ATG2B: variants seen among roughly 807,000 people sequenced by gnomAD.
ATG2B encodes autophagy related 2B.
ATG2B carries 121 observed loss-of-function variants against 241.3 expected under a neutral mutation model. The observed-to-expected ratio is 0.50, with a 90% confidence interval of 0.43 to 0.58. The LOEUF (loss-of-function observed/expected upper bound fraction) is 0.58, where lower values mean the gene tolerates loss of function less well. Ranked by LOEUF, ATG2B falls within the 20% of genes least tolerant of loss-of-function variation. ATG2B has a pLI of 0.00. For missense variants in ATG2B, 2,306 were observed against 2,491.6 expected, an observed-to-expected ratio of 0.93 and a Z score of 1.59; for synonymous variants, 858 against 876.6, an observed-to-expected ratio of 0.98 and a Z score of 0.37.
chr14:96,329,292 A>G (rs979369432), intron 12 of ATG2B, among the ~76,000 whole-genome samples, 192 bp downstream of exon 12: 1 of 152,204 alleles, frequency 6.6e-6, no homozygotes, highest in Admixed American at 6.5e-5. Context: ...TTAAAATTCT[A>G]ACAGATCCTT....
Position 96,304,587 on chromosome 14 carries a change from G to A in ATG2B, c.4750C>T (p.Pro1584Ser), listed in dbSNP as rs949397559. ...AKSYISPHSS[P>S]SHTPTRHGRN... ...CCATGTCTCGTGGGTGTGTGAGAAG[G>A]CGAACTGTGGGGACTACTAAAAATG... The change falls in exon 32 of 42, where the codon CCT becomes TCT. Residue 1584 changes from proline (P) to serine (S), a missense_variant. Coordinates refer to ENST00000359933, the MANE Select transcript of ATG2B (RefSeq NM_018036.7). 2.5e-6 allele frequency: 4 copies of A among 1,604,372 alleles called. No individual in the cohort carries two copies. The highest frequency in any genetic ancestry group is 3.4e-6 in the Non-Finnish European group (4 of 1,175,098).
Position 96,285,902 on chromosome 14 carries a change from C to T in ATG2B, c.6090G>A (p.Glu2030=). The change falls in exon 42 of 42, where the codon GAG becomes GAA. Residue 2030 remains glutamate (E), a synonymous_variant. Coordinates refer to ENST00000359933, the MANE Select transcript of ATG2B (RefSeq NM_018036.7). The surrounding 1 kb of genome is among the most constrained non-coding windows in gnomAD (Gnocchi z 4.2). ...ESRGVTGAVG[E]VLRQIPPAVV... ...CTGCCGGAGGAATCTGGCGCAGAACCTCGCCCACGGCACCAGTCACCCCTC... is the reference window on the plus strand; with the variant it reads ...CTGCCGGAGGAATCTGGCGCAGAACTTCGCCCACGGCACCAGTCACCCCTC... 1.9e-6 allele frequency: 3 copies of T among 1,614,094 alleles called. No homozygotes were observed. The highest frequency in any genetic ancestry group is 2.7e-5 in the African/African-American group (2 of 75,032).
chr14:96,334,320 C>A, intron 7 of ATG2B, 85 bp downstream of exon 7: 3 of 784,344 alleles, frequency 3.8e-6, no homozygotes, highest in Non-Finnish European at 6.1e-6. Flanking sequence ...AATAGACTTT[C>A]CTACATGTAC....
rs150166455 is a variant in ATG2B at position 96,296,747 on chromosome 14, C to A, written c.5140-1187G>T. Among the ~76,000 whole-genome samples the A allele has an allele frequency of 1.1e-3, 168 of 146,306 alleles. 2 individuals carry two copies. The East Asian group carries it at 0.03, about 26-fold the overall frequency. On this transcript the variant is annotated intron_variant, in intron 34 of 41. Transcript: ENST00000359933. ...TTGCACTCCAGCCCAGGCGACAGTG[C>A]GAGACACTGTCTCAAAAAAAAAAAA...
intron 29 of ATG2B, 80 bp from the exon 30 acceptor site, chr14:96,306,996 T>A: frequency 8.3e-7 from 1 of 1,202,374 alleles, no homozygotes; most frequent in East Asian, 2.4e-5. Flanking sequence ...GTCAGATATA[T>A]GTTGTGTGCT....
intron 34 of ATG2B, among the ~76,000 whole-genome samples, chr14:96,298,529 TCAGTGTGAA>T (rs1381598158): frequency 8.5e-5 from 13 of 152,180 alleles, no homozygotes; most frequent in Non-Finnish European, 1.3e-4. Flanking sequence ...TGGAACAACC[TCAGTGTGAA>T]CCAGCAGGTA....
intron 16 of ATG2B, among the ~76,000 whole-genome samples, chr14:96,322,948 T>C (rs571006485): frequency 1.3e-5 from 2 of 152,182 alleles, no homozygotes; most frequent in Non-Finnish European, 2.9e-5. Flanking sequence ...CAGAAAGACA[T>C]AAACATTTTA....
chr14:96,317,642 C>T (rs1193841362), intron 19 of ATG2B, 56 bp downstream of exon 19: 6 of 1,400,130 alleles, frequency 4.3e-6, no homozygotes, highest in Non-Finnish European at 5.9e-6. Context: ...AAGGTTAGTA[C>T]TTTGTTAATT....
In ATG2B at chr14:96,328,654, T is replaced by TA; in HGVS notation, c.1974+19dup. The TA allele has an allele frequency of 6.3e-7, 1 of 1,581,848 alleles. No homozygotes were observed. Among genetic ancestry groups the TA allele is most frequent in the Non-Finnish European group, 8.6e-7 (1 of 1,163,824 alleles). ...CAGATTAAAATTTACAGGTGGCAAT[T>TA]ATAGAAAAAGATCTCTTACCTGGGG... On this transcript the variant is annotated intron_variant, in intron 13 of 41. Transcript: ENST00000359933.
Position 96,311,216 on chromosome 14 carries a change from A to C in ATG2B, c.4062T>G (p.Ala1354=). Residue 1354 remains alanine, a synonymous_variant, in exon 28 of 42, where the codon GCT becomes GCG. Coordinates refer to ENST00000359933, the MANE Select transcript of ATG2B (RefSeq NM_018036.7). The part of the protein sequence containing the change: ...VHIRTCSDSC[A]ALMNLIQYIA... ...TGTACTGAATGAGATTCATTAACGCAGCACAAGAGTCTGAGCACGTTCTGA... is the reference window on the plus strand; with the variant it reads ...TGTACTGAATGAGATTCATTAACGCCGCACAAGAGTCTGAGCACGTTCTGA... 6.2e-7 allele frequency: 1 copy of C among 1,614,080 alleles called. No homozygotes were observed. Among genetic ancestry groups the C allele is most frequent in the African/African-American group, 1.3e-5 (1 of 75,052 alleles).
Position 96,295,464 on chromosome 14 carries a change from A to G in ATG2B, c.5218+18T>C. The G allele has an allele frequency of 6.5e-7, 1 of 1,535,930 alleles. No homozygotes were observed. The highest frequency in any genetic ancestry group is 8.8e-7 in the Non-Finnish European group (1 of 1,131,734). Reference sequence around the variant, plus strand: ...CCAAGTACTTGGTATAGTCTTTTCAACTATACATATTTAATACCTTCTGGA... The same window carrying G: ...CCAAGTACTTGGTATAGTCTTTTCAGCTATACATATTTAATACCTTCTGGA... On this transcript the variant is annotated intron_variant, in intron 35 of 41. Transcript: ENST00000359933.
In ATG2B at chr14:96,317,774, C is replaced by T; in HGVS notation, c.2961G>A (p.Gly987=). The change falls in exon 19 of 42, where the codon GGG becomes GGA. Residue 987 remains glycine (G), a synonymous_variant. Coordinates refer to ENST00000359933, the MANE Select transcript of ATG2B (RefSeq NM_018036.7). ...ETFENISYGI[G]LSVASQLINT... ...TAATGAGCTGACTGGCTACTGAAAGCCCAATGCCATAGGAAATATTCTCGA... is the reference window on the plus strand; with the variant it reads ...TAATGAGCTGACTGGCTACTGAAAGTCCAATGCCATAGGAAATATTCTCGA... 6.2e-7 allele frequency: 1 copy of T among 1,612,990 alleles called. No homozygotes were observed. The highest frequency in any genetic ancestry group is 8.5e-7 in the Non-Finnish European group (1 of 1,179,230).
rs751614308 is a variant in ATG2B at position 96,322,583 on chromosome 14, G to A, written c.2693C>T (p.Pro898Leu). 1.2e-6 allele frequency: 2 copies of A among 1,613,138 alleles called. No homozygotes were observed. The highest frequency in any genetic ancestry group is 2.2e-5 in the South Asian group (2 of 90,982). ...TACTCTACGAGAAGAAAAAGGAGAT[G>A]GGGCTGGTCTTCTTAGATCACAAAC... ...KDVCDLRRPA[P>L]SPFSSRRVMF... Residue 898 changes from proline (P) to leucine (L), a missense_variant, in exon 17 of 42, where the codon CCA (proline) becomes CTA (leucine). Physicochemically the swap from Pro to Leu is moderately conservative, Grantham distance 98. Around this residue, in one of 2 missense-constraint regions of ATG2B, gnomAD observed 1,927 missense variants for 2,011.2 expected, o/e 0.96. Coordinates refer to ENST00000359933, the MANE Select transcript of ATG2B (RefSeq NM_018036.7).
chr14:96,345,445 T>A, intron 2 of ATG2B, 60 bp from the exon 3 acceptor site: 1 of 1,257,104 alleles, frequency 8.0e-7, no homozygotes. Context: ...ATGCCAGTTC[T>A]TAAAATAATA....
chr14:96,306,588 T>TAA, intron 30 of ATG2B, 126 bp downstream of exon 30: 30 of 656,922 alleles, frequency 4.6e-5, no homozygotes, highest in South Asian at 7.1e-5. Flanking sequence ...AATAGTATAT[T>TAA]AAAAAAAAAA....
chr14:96,346,632 AT>A (rs1159502352), intron 2 of ATG2B, among the ~76,000 whole-genome samples: 2 of 152,062 alleles, frequency 1.3e-5, no homozygotes, highest in Non-Finnish European at 2.9e-5. Context: ...TAATTCTATC[AT>A]TTTTTTCTCT....
In ATG2B at chr14:96,279,567, C is replaced by G. The variant is rs1886142080; in HGVS notation, c.*6188G>C. On this transcript the variant is annotated 3_prime_UTR_variant, in exon 42 of 42. Coordinates refer to ENST00000359933, the MANE Select transcript of ATG2B (RefSeq NM_018036.7). ...ATGCGGGGAGTGCCGCAAAGTTTAA[C>G]AAACAAAAAAAAGGAAAGCATGCTA... The G allele has an allele frequency of 6.6e-6, 1 of 150,660 alleles. No individual in the cohort carries two copies. Among genetic ancestry groups the G allele is most frequent in the Non-Finnish European group, 1.5e-5 (1 of 67,924 alleles). The allele number at this position is 150,660 out of a possible 1,614,324, so 9.3% of individuals were successfully genotyped here.
Position 96,297,402 on chromosome 14 carries a change from T to C in ATG2B, c.5140-1842A>G, listed in dbSNP as rs750235999. Among the ~76,000 whole-genome samples the C allele has an allele frequency of 2.8e-4, 42 of 152,194 alleles. No individual in the cohort carries two copies. The Middle Eastern group carries it at 0.014, about 49-fold the overall frequency. On this transcript the variant is annotated intron_variant, in intron 34 of 41. Transcript: ENST00000359933. ...CTAATCACCAGCTTTTTTTGTTTTGTTTTGTTTTGTTTTGAGACAGAGTCT... is the reference window on the plus strand; with the variant it reads ...CTAATCACCAGCTTTTTTTGTTTTGCTTTGTTTTGTTTTGAGACAGAGTCT...
intron 24 of ATG2B, 60 bp downstream of exon 24, chr14:96,313,269 T>C: frequency 7.1e-7 from 1 of 1,417,622 alleles, no homozygotes; most frequent in Non-Finnish European, 9.7e-7. Flanking sequence ...ATTATGTATT[T>C]TTTTCAAAAT....
Sources: gnomAD v4.1 joint callset for allele counts (sites outside exome capture counted in the v4.1 genomes callset) on GRCh38, gnomAD v4.1.1 for gene constraint, gnomAD v4.1.1 regional missense constraint, Gnocchi (gnomAD v3.1) non-coding constraint, MANE v1.5 for transcripts, NCBI Gene and HGNC (gene_info 2026-07-23, HGNC 2026-07-21) for gene names.